The following GRM7 variants were observed in gnomAD, a reference collection of about 807,000 sequenced individuals.
GRM7 encodes the protein glutamate metabotropic receptor 7.
A neutral mutation model predicts 84.5 loss-of-function variants in GRM7; 35 were observed. That is an observed-to-expected ratio of 0.41 (90% CI 0.32 to 0.55). The LOEUF (loss-of-function observed/expected upper bound fraction) is 0.55. GRM7 is among the 20% of genes least tolerant of loss of function. The pLI, the probability that GRM7 is intolerant of heterozygous loss-of-function variation, is 0.19. For synonymous variants in GRM7, 487 were observed against 455.1 expected, an observed-to-expected ratio of 1.07 and a Z score of -0.89; for missense variants, 1,003 against 1,194.6, an observed-to-expected ratio of 0.84 and a Z score of 2.36.
chr3:7,639,329 T>G (rs939175691), intron 8 of GRM7, among the ~76,000 whole-genome samples: 1 of 152,166 alleles, frequency 6.6e-6, no homozygotes, highest in Non-Finnish European at 1.5e-5. Context: ...AGCACACTTC[T>G]CCCTTACCCA....
chr3:7,734,212 C>G, intron 9 of GRM7, among the ~76,000 whole-genome samples: 1 of 131,680 alleles, frequency 7.6e-6, no homozygotes. Context: ...CCTTATTCAC[C>G]ATTAGGAAGG....
intron 4 of GRM7, among the ~76,000 whole-genome samples, chr3:7,347,418 C>A (rs943288121): frequency 6.6e-6 from 1 of 152,140 alleles, no homozygotes; most frequent in African/African-American, 2.4e-5. Context: ...GTGATATTTG[C>A]AGATATGCCA....
intron 2 of GRM7, among the ~76,000 whole-genome samples, chr3:7,242,730 G>T (rs1345065804): frequency 6.6e-6 from 1 of 152,098 alleles, no homozygotes; most frequent in African/African-American, 2.4e-5. Flanking sequence ...TCCATTTTAA[G>T]ATTATTTTTA....
At chr3:7,210,306 A>G (rs184990027) in intron 2 of GRM7, among the ~76,000 whole-genome samples, 50 of 152,244 alleles carry the variant, frequency 3.3e-4, no homozygotes, top group Non-Finnish European at 6.6e-4. Flanking sequence ...CTTCACAGCC[A>G]TTAGAAACAT....
intron 2 of GRM7, among the ~76,000 whole-genome samples, chr3:7,187,475 G>A (rs942140075): frequency 6.6e-6 from 1 of 152,160 alleles, no homozygotes; most frequent in African/African-American, 2.4e-5. Flanking sequence ...GCCTTTGAGG[G>A]TTCTTTGAGG....
chr3:7,039,831 A>G (rs1020634647), intron 1 of GRM7, among the ~76,000 whole-genome samples: 4 of 152,176 alleles, frequency 2.6e-5, no homozygotes, highest in African/African-American at 7.2e-5. Flanking sequence ...GTGAATGGGT[A>G]GAATGCTTAT....
At chr3:7,217,416 A>T (rs2124865128) in intron 2 of GRM7, among the ~76,000 whole-genome samples, 1 of 152,266 alleles carries the variant, frequency 6.6e-6, no homozygotes, top group South Asian at 2.1e-4. Context: ...TCAGAGTCTC[A>T]CTACGGACTT....
At chr3:7,083,799 C>A (rs9856068) in intron 1 of GRM7, among the ~76,000 whole-genome samples, 30,382 of 151,926 alleles carry the variant, frequency 0.2, 5,898 homozygotes, top group African/African-American at 0.5. Context: ...AGTGCTACGA[C>A]GAAAATCAAA....
At chr3:7,618,793 T>C (rs954798815) in intron 8 of GRM7, among the ~76,000 whole-genome samples, 2 of 152,130 alleles carry the variant, frequency 1.3e-5, no homozygotes, top group African/African-American at 4.8e-5. Flanking sequence ...TACAGTGGGC[T>C]GGAGGTGCTG....
intron 2 of GRM7, among the ~76,000 whole-genome samples, chr3:7,229,759 A>ATTTTTTTTTTTTTT (rs1200808989): frequency 6.6e-5 from 2 of 30,438 alleles, no homozygotes; most frequent in East Asian, 2.7e-3. Context: ...ATATATATAT[A>ATTTTTTTTTTTTTT]TTTTTTTTTT....
intron 8 of GRM7, among the ~76,000 whole-genome samples, chr3:7,673,566 T>C (rs1357170948): frequency 3.9e-5 from 6 of 152,004 alleles, no homozygotes; most frequent in African/African-American, 1.2e-4. Flanking sequence ...GGCATGATTT[T>C]ACATATGTTT....
At chr3:7,685,937 T>A (rs1575631332) in intron 9 of GRM7, among the ~76,000 whole-genome samples, 2 of 152,318 alleles carry the variant, frequency 1.3e-5, no homozygotes, top group Admixed American at 1.3e-4. Context: ...GTTTTGCTTC[T>A]CCATTTGTTT....
intron 2 of GRM7, among the ~76,000 whole-genome samples, chr3:7,259,953 G>GTTTTTGTTTTTTT (rs1410445564): frequency 5.6e-5 from 5 of 89,658 alleles, no homozygotes; most frequent in Admixed American, 1.3e-4. Context: ...ACCAGCATCT[G>GTTTTTGTTTTTTT]TTTTTTTTTT....
intron 1 of GRM7, among the ~76,000 whole-genome samples, chr3:6,982,976 A>C (rs554691111): frequency 3.9e-4 from 59 of 152,324 alleles, no homozygotes; most frequent in Non-Finnish European, 6.0e-4. Context: ...ATAGATTTTC[A>C]TTTTTTAGAG....
chr3:7,686,229 C>A (rs1219518774), intron 9 of GRM7: 1 of 534,932 alleles, frequency 1.9e-6, no homozygotes, highest in Admixed American at 3.0e-5. Context: ...TTGAACCCAC[C>A]AAAAGAGTGG....
chr3:7,499,923 C>T (rs189710392), intron 7 of GRM7, among the ~76,000 whole-genome samples: 91 of 152,166 alleles, frequency 6.0e-4, no homozygotes, highest in African/African-American at 1.9e-3. Flanking sequence ...TACAGGTGCC[C>T]GTCACCACGC....
chr3:7,637,751 G>C (rs561963619), intron 8 of GRM7, among the ~76,000 whole-genome samples: 44 of 152,288 alleles, frequency 2.9e-4, no homozygotes, highest in East Asian at 1.2e-3. Context: ...TGAGTCATGT[G>C]AACTTGATGC....
At chr3:7,163,756 C>T (rs1295787096) in intron 2 of GRM7, among the ~76,000 whole-genome samples, 1 of 152,144 alleles carries the variant, frequency 6.6e-6, no homozygotes, top group Non-Finnish European at 1.5e-5. Flanking sequence ...GAAGGAAAAG[C>T]AATGTTCCAA....
intron 1 of GRM7, among the ~76,000 whole-genome samples, chr3:7,016,626 G>A (rs1695574914): frequency 6.6e-6 from 1 of 152,070 alleles, no homozygotes; most frequent in South Asian, 2.1e-4. Context: ...TGTCAATATC[G>A]GTTCCGTGGA....
Sources: gnomAD v4.1 joint callset for allele counts (sites outside exome capture counted in the v4.1 genomes callset) on GRCh38, gnomAD v4.1.1 for gene constraint, MANE v1.5 for transcripts, NCBI Gene and HGNC (gene_info 2026-07-23, HGNC 2026-07-21) for gene names.